Variants in BRD3 observed in about 807,000 individuals in gnomAD.
BRD3 encodes bromodomain containing 3.
A neutral mutation model predicts 66.8 loss-of-function variants in BRD3; 17 were observed. That is an observed-to-expected ratio of 0.25 (90% CI 0.17 to 0.38). The LOEUF (loss-of-function observed/expected upper bound fraction) is 0.38, where lower values mean the gene tolerates loss of function less well. Ranked by LOEUF, BRD3 falls within the 10% of genes least tolerant of loss-of-function variation. The pLI is 1.00. For synonymous variants in BRD3, 421 were observed against 393.2 expected, an observed-to-expected ratio of 1.07 and a Z score of -0.84; for missense variants, 713 against 956.1, an observed-to-expected ratio of 0.75 and a Z score of 3.35.
In BRD3 at chr9:134,045,236, C is replaced by T; in HGVS notation, c.1215+57G>A. On this transcript the variant is annotated intron_variant, in intron 7 of 11. Transcript: ENST00000303407. The surrounding 1 kb of genome is among the most constrained non-coding windows in gnomAD (Gnocchi z 4.8). ...CCTGGGCGCTTACCCCACACTGAGGCCAGGATGCCCACAGCACTGAGCTGA... is the reference window on the plus strand; with the variant it reads ...CCTGGGCGCTTACCCCACACTGAGGTCAGGATGCCCACAGCACTGAGCTGA... The T allele has an allele frequency of 6.3e-7, 1 of 1,598,650 alleles. No homozygotes were observed. Among genetic ancestry groups the T allele is most frequent in the South Asian group, 1.1e-5 (1 of 90,156 alleles).
chr9:134,062,527 G>A (rs935220111), intron 1 of BRD3, among the ~76,000 whole-genome samples: 16 of 152,202 alleles, frequency 1.1e-4, no homozygotes, highest in South Asian at 1.0e-3. Context: ...CTGGGTGAGC[G>A]GCCTCTCTGA....
At position 134,045,483 on chromosome 9, in the gene BRD3, A is replaced by AC; in HGVS notation, c.1087-63dup. 1 of 1,601,670 alleles carries AC rather than the reference A, an allele frequency of 6.2e-7. No individual in the cohort carries two copies. The highest frequency in any genetic ancestry group is 8.5e-7 in the Non-Finnish European group (1 of 1,171,748). On this transcript the variant is annotated intron_variant, in intron 6 of 11. Coordinates refer to ENST00000303407, the MANE Select transcript of BRD3 (RefSeq NM_007371.4). The surrounding 1 kb of genome is among the most constrained non-coding windows in gnomAD (Gnocchi z 4.8). ...CCGTGGCATCAGGACTCTCTGCCAC[A>AC]CCCCACGAGATGAACTCTGGAGCCT...
At chr9:134,040,650 T>C (rs1365655612) in intron 8 of BRD3, among the ~76,000 whole-genome samples, 2 of 152,222 alleles carry the variant, frequency 1.3e-5, no homozygotes, top group African/African-American at 4.8e-5. Flanking sequence ...CCACGGTAGT[T>C]TGCTGCACCC....
intron 8 of BRD3, among the ~76,000 whole-genome samples, chr9:134,040,487 G>A (rs111911174): frequency 2.3e-3 from 348 of 152,340 alleles, no homozygotes; most frequent in African/African-American, 7.4e-3. Context: ...GCCTGCAGTG[G>A]GGAAGAGCTG....
At position 134,040,267 on chromosome 9, in the gene BRD3, C is replaced by A; in HGVS notation, c.1410G>T (p.Leu470=). The A allele has an allele frequency of 6.3e-7, 1 of 1,594,750 alleles. No individual in the cohort carries two copies. Among genetic ancestry groups the A allele is most frequent in the Admixed American group, 1.7e-5 (1 of 57,468 alleles). ...ATRLAELQEQ[L]KAVHEQLAAL... ...CGGCCAGCTGCTCGTGCACGGCCTTCAGCTGGAAAAGAGCGGGCGGCTGAG... is the reference window on the plus strand; with the variant it reads ...CGGCCAGCTGCTCGTGCACGGCCTTAAGCTGGAAAAGAGCGGGCGGCTGAG... The change falls in exon 9 of 12, where the codon CTG becomes CTT. Residue 470 remains leucine (L), a splice_region_variant and synonymous_variant. Coordinates refer to ENST00000303407, the MANE Select transcript of BRD3 (RefSeq NM_007371.4).
chr9:134,036,615 A>G (rs769689844), intron 9 of BRD3: 1 of 1,549,426 alleles, frequency 6.5e-7, no homozygotes, highest in African/African-American at 1.4e-5. Context: ...ATCCAAAAGA[A>G]GGCAAAAAAG....
At chr9:134,050,249 G>A (rs369909081) in intron 5 of BRD3, 125 bp downstream of exon 5, 9 of 856,136 alleles carry the variant, frequency 1.1e-5, no homozygotes, top group Non-Finnish European at 1.3e-5. Context: ...AGGGCGCAGA[G>A]AGAAACACTC....
intron 6 of BRD3, among the ~76,000 whole-genome samples, chr9:134,046,595 GGA>G (rs1449025011): frequency 8.5e-5 from 13 of 152,186 alleles, no homozygotes; most frequent in Non-Finnish European, 1.8e-4. Context: ...TGATGTTGGG[GGA>G]AAAGCTAGTT....
At chr9:134,037,124 C>G (rs1324927407) in intron 9 of BRD3, among the ~76,000 whole-genome samples, 1 of 152,120 alleles carries the variant, frequency 6.6e-6, no homozygotes, top group Non-Finnish European at 1.5e-5. Flanking sequence ...AGTGTCTACA[C>G]AAATGCCACT....
intron 11 of BRD3, 38 bp downstream of exon 11, chr9:134,034,663 C>G (rs199544102): frequency 1.3e-6 from 2 of 1,599,256 alleles, no homozygotes; most frequent in Non-Finnish European, 1.7e-6. Context: ...ACCCCCCACC[C>G]CCCTAAAGAG....
chr9:134,050,196 C>G (rs989808503), intron 5 of BRD3, among the ~76,000 whole-genome samples, 178 bp downstream of exon 5: 4 of 152,226 alleles, frequency 2.6e-5, no homozygotes, highest in African/African-American at 7.2e-5. Flanking sequence ...CTCCCCAGGC[C>G]TAGGTCTCCT....
chr9:134,045,518 C>A lies in BRD3; in HGVS notation c.1087-97G>T. 6.4e-7 allele frequency: 1 copy of A among 1,559,924 alleles called. No individual in the cohort carries two copies. The highest frequency in any genetic ancestry group is 1.7e-5 in the Admixed American group (1 of 58,296). On this transcript the variant is annotated intron_variant, in intron 6 of 11. Transcript: ENST00000303407. This position sits in a 1 kb window ranked among gnomAD's most constrained non-coding sequence, Gnocchi z 4.8. ...ATGAACTCTGGAGCCTCAGGAGCCA[C>A]TGCCAGCTCCAGGGCAGTGCCTACT...
intron 2 of BRD3, 134 bp from the exon 3 acceptor site, chr9:134,052,577 G>A (rs1830327827): frequency 2.1e-6 from 2 of 965,826 alleles, no homozygotes. Context: ...TCTGGTCTCT[G>A]AAGGCAGTGG....
intron 10 of BRD3, among the ~76,000 whole-genome samples, chr9:134,035,448 T>C (rs115550118): frequency 0.016 from 2,452 of 152,178 alleles, 69 homozygotes; most frequent in African/African-American, 0.055. Flanking sequence ...CTGCCCTCCC[T>C]CCTACTCTGC....
rs34446029 is a variant in BRD3, at chr9:134,031,496, G to GA, written c.*2093dup. The GA allele has an allele frequency of 0.45, 89,568 of 200,086 alleles. 21,327 individuals carry two copies. The highest frequency in any genetic ancestry group is 0.6 in the African/African-American group (26,213 of 43,406). The allele number at this position is 200,086 out of a possible 1,614,324, so 12.4% of individuals were successfully genotyped here. On this transcript the variant is annotated 3_prime_UTR_variant, in exon 12 of 12. Coordinates refer to ENST00000303407, the MANE Select transcript of BRD3 (RefSeq NM_007371.4). ...AAAGATCTGTTTAGAAAATACCTTTGAAAACGAGGGTAACTTTAAAAAATG... is the reference window on the plus strand; with the variant it reads ...AAAGATCTGTTTAGAAAATACCTTTGAAAAACGAGGGTAACTTTAAAAAATG...
chr9:134,065,680 C>T (rs887571010), intron 1 of BRD3, among the ~76,000 whole-genome samples: 1 of 152,220 alleles, frequency 6.6e-6, no homozygotes, highest in Non-Finnish European at 1.5e-5. Flanking sequence ...CAAAACATGG[C>T]TCTTCCCATC....
Position 134,046,278 on chromosome 9 carries a change from G to C in BRD3, c.1087-857C>G, listed in dbSNP as rs553459827. 1.3e-4 allele frequency among the ~76,000 whole-genome samples: 20 copies of C among 152,338 alleles called. 2 individuals are homozygous for C. The highest frequency in any genetic ancestry group is 1.0e-3 in the Admixed American group (16 of 15,308). ...GGTGGCCACTGGGAACACACTAGTT[G>C]GGGCAAAGAGAGGTCACGCTGTGCC... is the stretch of plus-strand genomic sequence containing the variant. On this transcript the variant is annotated intron_variant, in intron 6 of 11. Transcript: ENST00000303407.
chr9:134,062,005 A>G (rs980404202), intron 1 of BRD3, among the ~76,000 whole-genome samples: 4 of 152,190 alleles, frequency 2.6e-5, no homozygotes, highest in Admixed American at 1.3e-4. Flanking sequence ...GCCACCCTCC[A>G]GGACTCGGGA....
chr9:134,067,280 G>A lies in BRD3; in HGVS notation c.-114+665C>T, dbSNP rs1588308573. 2.0e-5 allele frequency among the ~76,000 whole-genome samples: 3 copies of A among 152,106 alleles called. 1 individual carries two copies. Among genetic ancestry groups the A allele is most frequent in the Middle Eastern group, 6.8e-3 (2 of 294 alleles). ...GTGCAATAATCCGGCAACTCAGGGGGGCTCAAAGTCAGCTCTGGGCCCGTA... is the reference window on the plus strand; with the variant it reads ...GTGCAATAATCCGGCAACTCAGGGGAGCTCAAAGTCAGCTCTGGGCCCGTA... On this transcript the variant is annotated intron_variant, in intron 1 of 11. Transcript: ENST00000303407.
Sources: gnomAD v4.1 joint callset for allele counts (sites outside exome capture counted in the v4.1 genomes callset) on GRCh38, gnomAD v4.1.1 for gene constraint, Gnocchi (gnomAD v3.1) non-coding constraint, MANE v1.5 for transcripts, NCBI Gene and HGNC (gene_info 2026-07-23, HGNC 2026-07-21) for gene names.